ERBB4: variants seen among roughly 807,000 people sequenced by gnomAD.
ERBB4 encodes receptor tyrosine-protein kinase erbB-4.
ERBB4 carries 42 observed loss-of-function variants against 158.0 expected under a neutral mutation model. The observed-to-expected ratio is 0.27, with a 90% CI of 0.21 to 0.34. The LOEUF (loss-of-function observed/expected upper bound fraction) is 0.34. ERBB4 is among the 10% of genes least tolerant of loss of function. The pLI is 1.00. For synonymous variants in ERBB4, 583 were observed against 558.7 expected (o/e 1.04, Z -0.61); for missense variants, 1,333 against 1,624.1 (o/e 0.82, Z 3.08).
chr2:211,520,997 C>T (rs927050345), intron 20 of ERBB4, among the ~76,000 whole-genome samples: 19 of 152,096 alleles, frequency 1.2e-4, no homozygotes, highest in Admixed American at 2.6e-4. Flanking sequence ...CTTTTCCCAT[C>T]TGCTGGGGCC....
Position 212,466,466 on chromosome 2 carries a change from T to G in ERBB4, c.82+71983A>C, listed in dbSNP as rs142934664. 1.9e-3 allele frequency among the ~76,000 whole-genome samples: 288 copies of G among 152,278 alleles called. 1 individual carries two copies. Among genetic ancestry groups the G allele is most frequent in the African/African-American group, 6.5e-3 (270 of 41,556 alleles). ...CTGAATCACGGGAGTGGGTCTTTCC[T>G]GTGCTGTTCTTATGATAGTGAATGG... On this transcript the variant is annotated intron_variant, in intron 1 of 27. Coordinates refer to ENST00000342788, the MANE Select transcript of ERBB4 (RefSeq NM_005235.3).
At chr2:211,630,617 A>G (rs199573850) in intron 16 of ERBB4, 23 bp from the exon 17 acceptor site, 1 of 1,604,020 alleles carries the variant, frequency 6.2e-7, no homozygotes. Flanking sequence ...ATGAGAAAAA[A>G]AAAAATAAAA....
At chr2:212,170,307 G>A (rs918036029) in intron 1 of ERBB4, among the ~76,000 whole-genome samples, 3 of 152,154 alleles carry the variant, frequency 2.0e-5, no homozygotes, top group Non-Finnish European at 4.4e-5. Context: ...CCCTAGAGAT[G>A]TGGAAAACTT....
chr2:211,560,262 CTTTTTTTTT>C (rs769707072), intron 20 of ERBB4, among the ~76,000 whole-genome samples: 4 of 46,286 alleles, frequency 8.6e-5, no homozygotes, highest in African/African-American at 3.8e-4. Flanking sequence ...TGAAGCTTAG[CTTTTTTTTT>C]TTTTTTTTTT....
At chr2:211,902,091 T>C (rs2079251778) in intron 3 of ERBB4, among the ~76,000 whole-genome samples, 1 of 152,094 alleles carries the variant, frequency 6.6e-6, no homozygotes, top group African/African-American at 2.4e-5. Flanking sequence ...CTCACTTCTC[T>C]CCAGTGTTGC....
intron 3 of ERBB4, among the ~76,000 whole-genome samples, chr2:211,903,850 A>G (rs896851845): frequency 6.6e-6 from 1 of 151,996 alleles, no homozygotes; most frequent in East Asian, 1.9e-4. Context: ...TACCAGATTA[A>G]CAAGAAAAGA....
chr2:212,306,094 C>A (rs2086799059), intron 1 of ERBB4, among the ~76,000 whole-genome samples: 1 of 151,346 alleles, frequency 6.6e-6, no homozygotes, highest in South Asian at 2.1e-4. Context: ...TAAACATTCC[C>A]AGTTGAATGC....
chr2:212,430,125 G>A (rs2091995020), intron 1 of ERBB4, among the ~76,000 whole-genome samples: 1 of 152,142 alleles, frequency 6.6e-6, no homozygotes, highest in Admixed American at 6.5e-5. Flanking sequence ...AAAGGAACTA[G>A]ATTCAGGTCT....
chr2:211,642,196 C>T (rs573318340), intron 16 of ERBB4, among the ~76,000 whole-genome samples: 361 of 152,218 alleles, frequency 2.4e-3, no homozygotes, highest in Non-Finnish European at 4.2e-3. Context: ...TAACTCTCAT[C>T]ACATTTTTAG....
chr2:211,725,886 G>T (rs545680657), intron 5 of ERBB4, among the ~76,000 whole-genome samples: 1 of 151,652 alleles, frequency 6.6e-6, no homozygotes, highest in African/African-American at 2.4e-5. Context: ...AGGAAAGAAA[G>T]CCATTAATAG....
chr2:211,988,288 G>A lies in ERBB4; in HGVS notation c.235-40672C>T, dbSNP rs1193476988. Reference sequence around the variant, plus strand: ...GAGTACTTAAGTTCAAGTTCACACCGCTTACTAGTTTTATAATCTTGGGCA... The same window carrying A: ...GAGTACTTAAGTTCAAGTTCACACCACTTACTAGTTTTATAATCTTGGGCA... On this transcript the variant is annotated intron_variant, in intron 2 of 27. Transcript: ENST00000342788. Among the ~76,000 whole-genome samples the A allele has an allele frequency of 2.0e-5, 3 of 151,992 alleles. 1 individual carries two copies. Among genetic ancestry groups the A allele is most frequent in the South Asian group, 4.1e-4 (2 of 4,824 alleles).
chr2:211,753,855 T>G (rs969560130), intron 4 of ERBB4, among the ~76,000 whole-genome samples: 1 of 63,290 alleles, frequency 1.6e-5, no homozygotes, highest in Non-Finnish European at 3.3e-5. Flanking sequence ...AAAGTCCTGA[T>G]TTTTTTTTTT....
chr2:212,251,915 T>C (rs1331221421), intron 1 of ERBB4, among the ~76,000 whole-genome samples: 1 of 151,872 alleles, frequency 6.6e-6, no homozygotes, highest in Non-Finnish European at 1.5e-5. Context: ...ATACTGACAA[T>C]GGATCACAAG....
At chr2:212,465,394 C>A (rs901964289) in intron 1 of ERBB4, among the ~76,000 whole-genome samples, 4 of 152,070 alleles carry the variant, frequency 2.6e-5, no homozygotes, top group Non-Finnish European at 5.9e-5. Context: ...ATGGTCACAG[C>A]GCACCTCTTT....
intron 4 of ERBB4, among the ~76,000 whole-genome samples, chr2:211,764,394 G>A (rs2075497974): frequency 6.6e-6 from 1 of 152,238 alleles, no homozygotes; most frequent in Admixed American, 6.5e-5. Context: ...TCTAAAAAAT[G>A]TTTTTGGTCT....
chr2:212,376,102 G>A (rs887682731), intron 1 of ERBB4, among the ~76,000 whole-genome samples: 2 of 152,068 alleles, frequency 1.3e-5, no homozygotes, highest in Non-Finnish European at 1.5e-5. Flanking sequence ...TCAACTGGTT[G>A]AGCTTACGCA....
chr2:212,286,601 T>TTTTTTTTGTTTG (rs1559928580), intron 1 of ERBB4, among the ~76,000 whole-genome samples: 1 of 118,406 alleles, frequency 8.4e-6, no homozygotes, highest in African/African-American at 4.0e-5. Context: ...TGACTTTTTT[T>TTTTTTTTGTTTG]TTTTTTTTTT....
chr2:211,983,460 T>C (rs774578227), intron 2 of ERBB4, among the ~76,000 whole-genome samples: 4 of 152,196 alleles, frequency 2.6e-5, no homozygotes, highest in Non-Finnish European at 5.9e-5. Flanking sequence ...GCTATAGAGT[T>C]TATTCAATCA....
chr2:212,024,470 G>A, intron 2 of ERBB4, among the ~76,000 whole-genome samples: 1 of 151,904 alleles, frequency 6.6e-6, no homozygotes, highest in Non-Finnish European at 1.5e-5. Context: ...ATTGCTTCGT[G>A]TTCACACAGA....
Sources: gnomAD v4.1 joint callset for allele counts (sites outside exome capture counted in the v4.1 genomes callset) on GRCh38, gnomAD v4.1.1 for gene constraint, MANE v1.5 for transcripts, NCBI Gene and HGNC (gene_info 2026-07-23, HGNC 2026-07-21) for gene names.